The following FHIP1A variants were observed in gnomAD, a reference collection of about 807,000 sequenced individuals.
FHIP1A encodes FHF complex subunit HOOK interacting protein 1A.
Under a neutral mutation model 88.6 loss-of-function variants are expected in FHIP1A, and 61 were observed. That is an observed-to-expected ratio of 0.69 (90% confidence interval 0.56 to 0.85). The LOEUF (loss-of-function observed/expected upper bound fraction) is 0.85. FHIP1A is among the 40% of genes least tolerant of loss of function. The probability of loss-of-function intolerance (pLI) is 0.00; values close to 1 mark genes in which losing one functional copy is unlikely to be tolerated. For synonymous variants in FHIP1A, 478 were observed against 496.0 expected, an observed-to-expected ratio of 0.96 and a Z score of 0.48; for missense variants, 1,154 against 1,273.5, an observed-to-expected ratio of 0.91 and a Z score of 1.43.
intron 2 of FHIP1A, among the ~76,000 whole-genome samples, chr4:151,472,714 T>C (rs1468645561): frequency 1.3e-5 from 2 of 151,380 alleles, no homozygotes; most frequent in Non-Finnish European, 2.9e-5. Context: ...TGTCAGCCAC[T>C]CTGTTCTTCT....
intron 6 of FHIP1A, among the ~76,000 whole-genome samples, chr4:151,588,631 T>C (rs1734308770): frequency 1.3e-5 from 2 of 152,232 alleles, no homozygotes. Flanking sequence ...GTTCAACTTC[T>C]GCGGATTTTA....
At chr4:151,501,372 A>G (rs891213547) in intron 3 of FHIP1A, among the ~76,000 whole-genome samples, 1 of 152,120 alleles carries the variant, frequency 6.6e-6, no homozygotes, top group African/African-American at 2.4e-5. Flanking sequence ...CACTATTTTA[A>G]TATTTAATAC....
chr4:151,545,369 C>CTTTTTTT lies in FHIP1A; in HGVS notation c.-122-20749_-122-20743dup, dbSNP rs569126288. ...CAAGGCAAAATATTTCCTTATCCTTCTTTTTTTTTTTTTTTTTTTTTTTTT... is the reference window on the plus strand; with the variant it reads ...CAAGGCAAAATATTTCCTTATCCTTCTTTTTTTTTTTTTTTTTTTTTTTTTTTTTTTT... On this transcript the variant is annotated intron_variant, in intron 3 of 13. Transcript: ENST00000435205. 2.0e-3 allele frequency among the ~76,000 whole-genome samples: 165 copies of CTTTTTTT among 81,682 alleles called. 11 individuals carry two copies. The highest frequency in any genetic ancestry group is 7.3e-3 in the African/African-American group (143 of 19,654). 53.6% of individuals were successfully genotyped at this position (81,682 alleles called of 152,430 possible).
chr4:151,505,998 C>CT (rs757039441), intron 3 of FHIP1A, among the ~76,000 whole-genome samples: 19 of 152,184 alleles, frequency 1.2e-4, no homozygotes, highest in Admixed American at 1.3e-4. Context: ...TCAGGGCTCA[C>CT]TGGAACTTCG....
At position 151,569,068 on chromosome 4, in the gene FHIP1A, T is replaced by C. The variant is rs564426367; in HGVS notation, c.105+2704T>C. 7.2e-5 allele frequency among the ~76,000 whole-genome samples: 11 copies of C among 152,156 alleles called. No homozygotes were observed. The East Asian group carries it at 1.2e-3, about 16-fold the overall frequency. On this transcript the variant is annotated intron_variant, in intron 4 of 13. Transcript: ENST00000435205. The stretch of plus-strand genomic sequence containing the variant: ...GTGGGTGAAGAGCAGTTGCAGAGGA[T>C]TGGGAAAAGAGCTCCAGTTTGACAT...
At chr4:151,480,040 CT>C (rs1030573085) in intron 2 of FHIP1A, among the ~76,000 whole-genome samples, 9 of 151,988 alleles carry the variant, frequency 5.9e-5, no homozygotes, top group African/African-American at 2.2e-4. Flanking sequence ...AGCTTCCCCC[CT>C]TTTTGGCAGG....
intron 3 of FHIP1A, among the ~76,000 whole-genome samples, chr4:151,486,447 G>C (rs532387839): frequency 4.6e-5 from 7 of 152,184 alleles, no homozygotes; most frequent in African/African-American, 1.7e-4. Context: ...ATACGTCTTG[G>C]ATAACTCAGT....
At chr4:151,435,970 A>G (rs911568222) in intron 1 of FHIP1A, among the ~76,000 whole-genome samples, 1 of 152,158 alleles carries the variant, frequency 6.6e-6, no homozygotes, top group Admixed American at 6.6e-5. Context: ...TGACATCACA[A>G]TGCTTTTGTG....
intron 1 of FHIP1A, among the ~76,000 whole-genome samples, chr4:151,418,514 A>ATTCCTTCAGTC (rs1732986635): frequency 6.6e-6 from 1 of 152,230 alleles, no homozygotes; most frequent in African/African-American, 2.4e-5. Context: ...AGAAGTGGTC[A>ATTCCTTCAGTC]TTCCTTCACA....
intron 11 of FHIP1A, among the ~76,000 whole-genome samples, chr4:151,651,114 G>A (rs1296846407): frequency 6.6e-6 from 1 of 152,162 alleles, no homozygotes; most frequent in East Asian, 1.9e-4. Flanking sequence ...GGTTAGCTGT[G>A]CCTTTGCCTG....
Position 151,656,780 on chromosome 4 carries a change from C to T in FHIP1A, c.2751C>T (p.Asn917=). 1 of 1,551,332 alleles carries T rather than the reference C, an allele frequency of 6.4e-7. No homozygotes were observed. The highest frequency in any genetic ancestry group is 8.7e-7 in the Non-Finnish European group (1 of 1,146,888). ...SLYQVLASVK[N]KIEQFASVER... ...GACAGGTCCTTGCATCTGTGAAAAA[C>T]AAGATTGAACAGTTTGCTTCTGTGG... The change falls in exon 13 of 14, where the codon AAC becomes AAT. Residue 917 remains asparagine, a synonymous_variant. Coordinates refer to ENST00000435205, the MANE Select transcript of FHIP1A (RefSeq NM_001109977.3). The surrounding 1 kb of genome is among the most constrained non-coding windows in gnomAD (Gnocchi z 4.2).
At chr4:151,483,557 T>A (rs982070623) in intron 3 of FHIP1A, among the ~76,000 whole-genome samples, 2 of 152,124 alleles carry the variant, frequency 1.3e-5, no homozygotes, top group Non-Finnish European at 2.9e-5. Context: ...ACTTATTGTG[T>A]AGACACAAAA....
intron 2 of FHIP1A, among the ~76,000 whole-genome samples, chr4:151,456,668 C>T (rs1216358224): frequency 6.6e-6 from 1 of 152,000 alleles, no homozygotes; most frequent in African/African-American, 2.4e-5. Flanking sequence ...ATACACATAA[C>T]ACACAAAAGA....
At chr4:151,625,986 G>C (rs563924805) in intron 7 of FHIP1A, among the ~76,000 whole-genome samples, 2 of 152,296 alleles carry the variant, frequency 1.3e-5, no homozygotes, top group South Asian at 4.1e-4. Flanking sequence ...ATTGTGAACT[G>C]TGCTCCTGTG....
chr4:151,492,012 A>G (rs1160220671), intron 3 of FHIP1A, among the ~76,000 whole-genome samples: 2 of 152,188 alleles, frequency 1.3e-5, no homozygotes, highest in Admixed American at 6.5e-5. Flanking sequence ...AAAAATTACT[A>G]CTACACCTAA....
chr4:151,667,302 TAAAAC>T lies in FHIP1A; in HGVS notation c.*4550_*4554del, dbSNP rs931900127. The T allele has an allele frequency of 3.3e-5, 5 of 152,208 alleles. No homozygotes were observed. Among genetic ancestry groups the T allele is most frequent in the African/African-American group, 1.2e-4 (5 of 41,450 alleles). 9.4% of individuals were successfully genotyped at this position (152,208 alleles called of 1,614,324 possible). A position where few individuals can be genotyped will look rare whatever the true frequency, so the allele number is the denominator to read the frequency against. ...ACTAATTTTCCATCAAGTAACAGCT[TAAAAC>T]AGAACACTGTCAAACCACTTTATGT... On this transcript the variant is annotated 3_prime_UTR_variant, in exon 14 of 14. Coordinates refer to ENST00000435205, the MANE Select transcript of FHIP1A (RefSeq NM_001109977.3).
chr4:151,604,376 G>A (rs1734988501), intron 7 of FHIP1A, among the ~76,000 whole-genome samples: 1 of 152,058 alleles, frequency 6.6e-6, no homozygotes, highest in Non-Finnish European at 1.5e-5. Flanking sequence ...CCCAAACAGT[G>A]CACCAAGGAG....
intron 1 of FHIP1A, among the ~76,000 whole-genome samples, chr4:151,438,976 CAT>C (rs887212911): frequency 2.0e-5 from 3 of 152,094 alleles, no homozygotes; most frequent in Non-Finnish European, 4.4e-5. Flanking sequence ...TAGTTGAAAA[CAT>C]ATCTTTAAGG....
chr4:151,578,168 C>T, intron 5 of FHIP1A, 92 bp downstream of exon 5: 1 of 1,219,518 alleles, frequency 8.2e-7, no homozygotes, highest in Non-Finnish European at 1.1e-6. Flanking sequence ...TTTTTTTCTC[C>T]CAGTAAGTTG....
Sources: gnomAD v4.1 joint callset for allele counts (sites outside exome capture counted in the v4.1 genomes callset) on GRCh38, gnomAD v4.1.1 for gene constraint, Gnocchi (gnomAD v3.1) non-coding constraint, MANE v1.5 for transcripts, NCBI Gene and HGNC (gene_info 2026-07-23, HGNC 2026-07-21) for gene names.